The following NDUFAF6 variants were observed in gnomAD, a reference collection of about 807,000 sequenced individuals.
The protein encoded by NDUFAF6 is NADH:ubiquinone oxidoreductase complex assembly factor 6, also known as NADH dehydrogenase (ubiquinone) complex I, assembly factor 6.
NDUFAF6 carries 45 observed loss-of-function variants against 40.8 expected under a neutral mutation model. The observed-to-expected ratio is 1.10, with a 90% CI of 0.87 to 1.42. NDUFAF6 has a LOEUF of 1.42. NDUFAF6 is among the 40% of genes most tolerant of loss of function. The pLI is 0.00. For missense variants in NDUFAF6, 435 were observed against 418.5 expected (o/e 1.04, Z -0.34); for synonymous variants, 185 against 155.9 (o/e 1.19, Z -1.39).
chr8:95,014,316 T>A (rs898738323), intron 2 of NDUFAF6, among the ~76,000 whole-genome samples: 3 of 152,130 alleles, frequency 2.0e-5, no homozygotes, highest in African/African-American at 7.2e-5. Context: ...GTGAGTCACA[T>A]ATAATAGTAG....
In NDUFAF6 at chr8:95,041,580, G is replaced by T; in HGVS notation, c.431G>T (p.Arg144Ile). ...CTCTTTGTTTTTTAGGCTGTTAAAA[G>T]ACATAATCTGACTAAAAGATGGCTT... ...VAIELWKAVK[R>I]HNLTKRWLMK... Residue 144 changes from arginine (R) to isoleucine (I), a missense_variant, in exon 4 of 9, where the codon AGA (arginine) becomes ATA (isoleucine). Coordinates refer to ENST00000396124, the MANE Select transcript of NDUFAF6 (RefSeq NM_152416.4). The T allele has an allele frequency of 6.2e-7, 1 of 1,609,652 alleles. No individual in the cohort carries two copies. The highest frequency in any genetic ancestry group is 1.1e-5 in the South Asian group (1 of 90,986).
intron 2 of NDUFAF6, among the ~76,000 whole-genome samples, chr8:95,002,082 A>T (rs1826762082): frequency 6.6e-6 from 1 of 152,202 alleles, no homozygotes; most frequent in Non-Finnish European, 1.5e-5. Context: ...TAGTTGTTAA[A>T]TTATGTTCAG....
At chr8:95,113,783 T>C (rs1029036437) in intron 4 of NDUFAF6, among the ~76,000 whole-genome samples, 3 of 152,034 alleles carry the variant, frequency 2.0e-5, no homozygotes, top group African/African-American at 7.2e-5. Context: ...GGCAGAGAGG[T>C]TGCGGTGAGC....
At chr8:95,033,559 A>G (rs1829115369) in intron 2 of NDUFAF6, among the ~76,000 whole-genome samples, 1 of 152,248 alleles carries the variant, frequency 6.6e-6, no homozygotes, top group South Asian at 2.1e-4. Flanking sequence ...TCAATGAACA[A>G]ATAAATCATT....
chr8:95,021,544 T>G (rs1006108709), upstream of NDUFAF6, among the ~76,000 whole-genome samples: 1 of 152,206 alleles, frequency 6.6e-6, no homozygotes, highest in Non-Finnish European at 1.5e-5. Context: ...CACGTGCTAC[T>G]GGTTGCTAGA....
intron 2 of NDUFAF6, among the ~76,000 whole-genome samples, chr8:94,997,660 T>C (rs1826517878): frequency 6.6e-6 from 1 of 152,212 alleles, no homozygotes; most frequent in Non-Finnish European, 1.5e-5. Flanking sequence ...GTATATTATT[T>C]TTCTCAATGC....
intron 1 of NDUFAF6, among the ~76,000 whole-genome samples, chr8:94,943,921 A>G (rs1277062089): frequency 6.6e-6 from 1 of 152,224 alleles, no homozygotes. Context: ...TTTATGCTCT[A>G]TGTAAGAACA....
chr8:94,979,371 AG>A (rs981598366), intron 1 of NDUFAF6, among the ~76,000 whole-genome samples: 72 of 152,244 alleles, frequency 4.7e-4, no homozygotes, highest in African/African-American at 1.7e-3. Context: ...CACTTCCTTG[AG>A]GAATGCTGCC....
intron 2 of NDUFAF6, among the ~76,000 whole-genome samples, chr8:95,019,627 C>A (rs1827608565): frequency 6.6e-6 from 1 of 152,124 alleles, no homozygotes; most frequent in East Asian, 1.9e-4. Flanking sequence ...AATATAAGAT[C>A]ATAGTGGAAA....
intron 2 of NDUFAF6, among the ~76,000 whole-genome samples, chr8:95,083,304 A>G (rs190916784): frequency 6.6e-6 from 1 of 152,256 alleles, no homozygotes; most frequent in Non-Finnish European, 1.5e-5. Flanking sequence ...TTTGTACCTG[A>G]TCAGCTTTGA....
intron 8 of NDUFAF6, among the ~76,000 whole-genome samples, chr8:95,056,905 C>A (rs796133095): frequency 4.3e-3 from 603 of 140,734 alleles, no homozygotes; most frequent in Middle Eastern, 7.2e-3. Context: ...GACTCTGTCT[C>A]AAAAAAAAAA....
intron 8 of NDUFAF6, among the ~76,000 whole-genome samples, chr8:95,054,711 A>G (rs1831908964): frequency 6.6e-6 from 1 of 152,176 alleles, no homozygotes. Flanking sequence ...CTGGGATTAC[A>G]GGCATGAGCC....
intron 3 of NDUFAF6, among the ~76,000 whole-genome samples, chr8:95,037,761 G>A (rs960455584): frequency 6.6e-6 from 1 of 151,770 alleles, no homozygotes; most frequent in Non-Finnish European, 1.5e-5. Flanking sequence ...TAGATTTTAT[G>A]TTTCACTACT....
At chr8:94,977,967 C>G (rs972877650) in intron 1 of NDUFAF6, among the ~76,000 whole-genome samples, 1 of 152,172 alleles carries the variant, frequency 6.6e-6, no homozygotes, top group Non-Finnish European at 1.5e-5. Context: ...TCCTGAATGA[C>G]AGGGGTGCTA....
chr8:94,903,242 C>A (rs1463382559), intron 1 of NDUFAF6, among the ~76,000 whole-genome samples: 4 of 151,952 alleles, frequency 2.6e-5, no homozygotes, highest in African/African-American at 9.7e-5. Flanking sequence ...CCCCTGTGGC[C>A]CTAGCTACTC....
chr8:95,013,463 A>G (rs569932347), intron 2 of NDUFAF6, among the ~76,000 whole-genome samples: 1 of 152,344 alleles, frequency 6.6e-6, no homozygotes, highest in Non-Finnish European at 1.5e-5. Context: ...ATATACATAA[A>G]TGACATCTGA....
intron 4 of NDUFAF6, chr8:95,044,607 A>G (rs1020859685): frequency 6.6e-6 from 1 of 151,930 alleles, no homozygotes; most frequent in Non-Finnish European, 1.5e-5. Flanking sequence ...TGCCTACCAC[A>G]ATGCCCAGCT....
At chr8:94,937,450 A>AAC (rs1345841872) in intron 1 of NDUFAF6, among the ~76,000 whole-genome samples, 2 of 151,870 alleles carry the variant, frequency 1.3e-5, no homozygotes, top group Non-Finnish European at 2.9e-5. Context: ...CAAAAAAAAA[A>AAC]AAAAACCCAA....
chr8:94,903,550 C>T (rs1563695139), intron 1 of NDUFAF6, among the ~76,000 whole-genome samples: 1 of 152,154 alleles, frequency 6.6e-6, no homozygotes, highest in African/African-American at 2.4e-5. Context: ...GTTGTAGATA[C>T]ATACTTACGC....
Sources: allele counts gnomAD v4.1 joint callset (sites outside exome capture counted in the v4.1 genomes callset), GRCh38; gene constraint gnomAD v4.1.1; transcripts MANE v1.5; gene names NCBI Gene and HGNC (gene_info 2026-07-23, HGNC 2026-07-21).